Variants in RPH3AL observed in about 807,000 individuals in gnomAD.
The protein encoded by RPH3AL is rab effector Noc2.
A neutral mutation model predicts 43.1 loss-of-function variants in RPH3AL; 38 were observed. The ratio of observed to expected loss-of-function variants is 0.88; its 90% CI spans 0.68 to 1.15. The LOEUF is 1.15. Among genes scored for constraint, RPH3AL ranks in the 50% most tolerant of loss-of-function variants. RPH3AL has a pLI of 0.00. For synonymous variants in RPH3AL, 189 were observed against 176.3 expected (o/e 1.07, Z -0.57); for missense variants, 462 against 423.2 (o/e 1.09, Z -0.81).
At chr17:325,696 C>T (rs931410422) in intron 3 of RPH3AL, among the ~76,000 whole-genome samples, 2 of 152,214 alleles carry the variant, frequency 1.3e-5, no homozygotes, top group African/African-American at 4.8e-5. Flanking sequence ...CACCTCTGCC[C>T]ACCTGTGCTT....
At position 336,683 on chromosome 17, in the gene RPH3AL, C is replaced by T. The variant is rs115383382; in HGVS notation, c.-212-2749G>A. Among the ~76,000 whole-genome samples the T allele has an allele frequency of 8.1e-3, 1,232 of 152,292 alleles. 15 individuals carry two copies. Among genetic ancestry groups the T allele is most frequent in the African/African-American group, 0.027 (1,125 of 41,542 alleles). The stretch of plus-strand genomic sequence containing the variant: ...CCCTGCTCAGAAACCTTCGGTGGCT[C>T]CCCACTACTAAGGAAACAAGCCCTA... On this transcript the variant is annotated intron_variant, in intron 1 of 9. Transcript: ENST00000331302.
At chr17:298,317 G>A (rs2043231977) in intron 5 of RPH3AL, among the ~76,000 whole-genome samples, 1 of 152,048 alleles carries the variant, frequency 6.6e-6, no homozygotes, top group Admixed American at 6.6e-5. Context: ...GATGTTCCAG[G>A]ATTATCATAA....
chr17:314,413 C>G (rs977763661), intron 5 of RPH3AL, among the ~76,000 whole-genome samples: 2 of 131,168 alleles, frequency 1.5e-5, no homozygotes, highest in Non-Finnish European at 3.1e-5. Flanking sequence ...TGTGCCCCAC[C>G]TCCACTGACA....
chr17:264,018 C>T lies in RPH3AL; in HGVS notation c.439-16733G>A, dbSNP rs2042261770. Among the ~76,000 whole-genome samples, 3 of 152,150 alleles carry T rather than the reference C, an allele frequency of 2.0e-5. No individual in the cohort carries two copies. The highest frequency in any genetic ancestry group is 4.8e-5 in the African/African-American group (2 of 41,420). Reference sequence around the variant, plus strand: ...CGTGCTGTTAGCGGACGCGATGCTGCTTTCCAAGATGGCTGGGCGGGGATC... The same window carrying T: ...CGTGCTGTTAGCGGACGCGATGCTGTTTTCCAAGATGGCTGGGCGGGGATC... On this transcript the variant is annotated intron_variant, in intron 6 of 9. Coordinates refer to ENST00000331302, the MANE Select transcript of RPH3AL (RefSeq NM_006987.4). The surrounding 1 kb of genome is among the most constrained non-coding windows in gnomAD (Gnocchi z 4.8).
intron 6 of RPH3AL, among the ~76,000 whole-genome samples, chr17:248,483 TA>T (rs1460505065): frequency 3.3e-5 from 5 of 152,128 alleles, no homozygotes; most frequent in Non-Finnish European, 7.4e-5. Context: ...AGCATCCCTT[TA>T]TCACTGCCCT....
rs781072027 is a variant in RPH3AL at position 225,079 on chromosome 17, G to A, written c.614-5343C>T. On this transcript the variant is annotated intron_variant, in intron 7 of 9. Transcript: ENST00000331302. This position sits in a 1 kb window ranked among gnomAD's most constrained non-coding sequence, Gnocchi z 4.4. ...GTATACAGATGTAACAAACCTGCAC[G>A]TTATGCACATGTACCCTAGAACTTA... Among the ~76,000 whole-genome samples, 33 of 149,712 alleles carry A rather than the reference G, an allele frequency of 2.2e-4. No individual in the cohort carries two copies. The highest frequency in any genetic ancestry group is 4.2e-4 in the South Asian group (2 of 4,718).
rs572105276 is a variant in RPH3AL, at chr17:326,786, G to A, written c.77+681C>T. Reference sequence around the variant, plus strand: ...AATCCCAGCTACTCGGGAGGCAGGAGAATTGCTTAAACCAGGGAGGCAGAG... The same window carrying A: ...AATCCCAGCTACTCGGGAGGCAGGAAAATTGCTTAAACCAGGGAGGCAGAG... On this transcript the variant is annotated intron_variant, in intron 3 of 9. Transcript: ENST00000331302. Among the ~76,000 whole-genome samples, 45 of 152,374 alleles carry A rather than the reference G, an allele frequency of 3.0e-4. 1 individual carries two copies. The highest frequency in any genetic ancestry group is 1.9e-3 in the South Asian group (9 of 4,830).
At chr17:285,493 G>A (rs532174061) in intron 5 of RPH3AL, among the ~76,000 whole-genome samples, 57 of 152,164 alleles carry the variant, frequency 3.7e-4, no homozygotes, top group Non-Finnish European at 5.7e-4. Flanking sequence ...GCAGCCCCTC[G>A]TACCGTGTTC....
chr17:229,949 G>A (rs530113242), intron 7 of RPH3AL, among the ~76,000 whole-genome samples: 100 of 152,296 alleles, frequency 6.6e-4, no homozygotes, highest in African/African-American at 2.3e-3. Flanking sequence ...CTGGAGCCAG[G>A]AGATATGGGG....
At chr17:317,005 T>C (rs1158904171) in intron 5 of RPH3AL, among the ~76,000 whole-genome samples, 11 of 113,752 alleles carry the variant, frequency 9.7e-5, no homozygotes, top group African/African-American at 1.7e-4. Context: ...CCCACCTCCA[T>C]TGACCTGTAG....
At chr17:268,655 G>C (rs1048512810) in intron 6 of RPH3AL, among the ~76,000 whole-genome samples, 2 of 135,680 alleles carry the variant, frequency 1.5e-5, no homozygotes, top group Admixed American at 1.7e-4. Flanking sequence ...CCGCCTCCCA[G>C]GTTCAAGCAA....
At chr17:248,305 G>C (rs1555541029) in intron 6 of RPH3AL, among the ~76,000 whole-genome samples, 1 of 152,268 alleles carries the variant, frequency 6.6e-6, no homozygotes, top group Non-Finnish European at 1.5e-5. Context: ...ACTTGTTCTG[G>C]CTGCCCCCAT....
chr17:280,102 T>A (rs979273872), intron 6 of RPH3AL, among the ~76,000 whole-genome samples: 3 of 152,146 alleles, frequency 2.0e-5, no homozygotes, highest in African/African-American at 7.2e-5. Flanking sequence ...AAAAACAAGA[T>A]CTATATCTCC....
chr17:316,424 C>T (rs2044192276), intron 5 of RPH3AL, among the ~76,000 whole-genome samples: 1 of 151,410 alleles, frequency 6.6e-6, no homozygotes. Context: ...GTGACCCCAC[C>T]TCCATTGACC....
chr17:340,372 G>A (rs1303475795), intron 1 of RPH3AL, among the ~76,000 whole-genome samples: 2 of 100,176 alleles, frequency 2.0e-5, no homozygotes, highest in Non-Finnish European at 4.1e-5. Context: ...TCACTGCCCT[G>A]GGCTCAGGCC....
Position 294,298 on chromosome 17 carries a change from CAA to C in RPH3AL, c.352-12446_352-12445del, listed in dbSNP as rs60962706. On this transcript the variant is annotated intron_variant, in intron 5 of 9. Transcript: ENST00000331302. ...GCAACATAGCAAGACCCCGTCTCTACAAAAAAAAAAATACAAAAATTAGCCGA... is the reference window on the plus strand; with the variant it reads ...GCAACATAGCAAGACCCCGTCTCTACAAAAAAAAATACAAAAATTAGCCGA... Among the ~76,000 whole-genome samples the C allele has an allele frequency of 2.9e-4, 43 of 150,686 alleles. No individual in the cohort carries two copies. The East Asian group carries it at 3.7e-3, about 13-fold the overall frequency.
chr17:296,856 A>G (rs949545048), intron 5 of RPH3AL, among the ~76,000 whole-genome samples: 1 of 152,166 alleles, frequency 6.6e-6, no homozygotes, highest in African/African-American at 2.4e-5. Context: ...CCTGCCGGAG[A>G]AGGAAAAGGA....
At chr17:241,280 C>T (rs758272263) in intron 7 of RPH3AL, among the ~76,000 whole-genome samples, 1 of 151,946 alleles carries the variant, frequency 6.6e-6, no homozygotes, top group Non-Finnish European at 1.5e-5. Context: ...CCTGTAGTCC[C>T]AGCTACTGGG....
chr17:335,076 G>C (rs984115695), intron 1 of RPH3AL, among the ~76,000 whole-genome samples: 2 of 152,212 alleles, frequency 1.3e-5, no homozygotes, highest in Non-Finnish European at 2.9e-5. Context: ...CACAGGGTCC[G>C]ACCCACGGTG....
Sources: gnomAD v4.1 joint callset for allele counts (sites outside exome capture counted in the v4.1 genomes callset) on GRCh38, gnomAD v4.1.1 for gene constraint, Gnocchi (gnomAD v3.1) non-coding constraint, MANE v1.5 for transcripts, NCBI Gene and HGNC (gene_info 2026-07-23, HGNC 2026-07-21) for gene names.